The following MBD5 variants were observed in gnomAD, a reference collection of about 807,000 sequenced individuals.
MBD5 encodes methyl-CpG-binding domain protein 5.
A neutral mutation model predicts 117.3 loss-of-function variants in MBD5; 13 were observed. That is an observed-to-expected ratio of 0.11 (90% CI 0.07 to 0.18). The LOEUF is 0.18. Among genes scored for constraint, MBD5 ranks in the 10% least tolerant of loss-of-function variants. The probability of loss-of-function intolerance (pLI) is 1.00; values close to 1 mark genes in which losing one functional copy is unlikely to be tolerated. For synonymous variants in MBD5, 727 were observed against 766.4 expected (o/e 0.95, Z 0.85); for missense variants, 1,879 against 2,093.8 (o/e 0.90, Z 2.00).
chr2:148,426,762 C>A (rs1705804971), intron 4 of MBD5, among the ~76,000 whole-genome samples: 1 of 152,152 alleles, frequency 6.6e-6, no homozygotes, highest in African/African-American at 2.4e-5. Context: ...CTGTCTAAAA[C>A]ACCAAAAGCA....
intron 1 of MBD5, among the ~76,000 whole-genome samples, chr2:148,046,577 A>ACC (rs1185616495): frequency 6.6e-6 from 1 of 151,808 alleles, no homozygotes; most frequent in Non-Finnish European, 1.5e-5. Flanking sequence ...GTCCTCTTCC[A>ACC]CCCCTTCTTT....
At chr2:148,386,089 C>T (rs1334101054) in intron 4 of MBD5, among the ~76,000 whole-genome samples, 1 of 150,840 alleles carries the variant, frequency 6.6e-6, no homozygotes, top group Admixed American at 6.6e-5. Context: ...GTGCACATGT[C>T]CCCTAAAACT....
chr2:148,382,368 A>C (rs1045302345), intron 4 of MBD5, among the ~76,000 whole-genome samples: 5 of 152,244 alleles, frequency 3.3e-5, no homozygotes, highest in African/African-American at 1.2e-4. Context: ...AGACCATTAC[A>C]TAATGGTAAA....
chr2:148,204,730 T>G (rs1484468291), intron 2 of MBD5, among the ~76,000 whole-genome samples: 2 of 152,176 alleles, frequency 1.3e-5, no homozygotes, highest in African/African-American at 4.8e-5. Context: ...GTCTTCAAGT[T>G]TAAATACTAA....
intron 4 of MBD5, among the ~76,000 whole-genome samples, chr2:148,364,473 G>A (rs1183585598): frequency 1.3e-5 from 2 of 152,150 alleles, no homozygotes; most frequent in East Asian, 3.8e-4. Context: ...CATAATGACA[G>A]GATCAAATTC....
intron 4 of MBD5, among the ~76,000 whole-genome samples, chr2:148,444,804 C>G (rs1465782907): frequency 6.6e-6 from 1 of 150,926 alleles, no homozygotes; most frequent in East Asian, 1.9e-4. Context: ...TGCCCACCTC[C>G]CCACCCCTCT....
At chr2:148,344,188 C>A (rs960379871) in intron 4 of MBD5, among the ~76,000 whole-genome samples, 2 of 151,950 alleles carry the variant, frequency 1.3e-5, no homozygotes, top group African/African-American at 4.8e-5. Context: ...TGTTTTTATA[C>A]CAGTACCATG....
intron 4 of MBD5, among the ~76,000 whole-genome samples, chr2:148,402,843 A>G (rs973223798): frequency 6.6e-6 from 1 of 151,840 alleles, no homozygotes; most frequent in Non-Finnish European, 1.5e-5. Flanking sequence ...TAGTGTTAAC[A>G]GAAGTTATCA....
intron 4 of MBD5, among the ~76,000 whole-genome samples, chr2:148,367,871 C>T (rs12691789): frequency 0.52 from 78,272 of 151,918 alleles, 20,388 homozygotes; most frequent in East Asian, 0.75. Context: ...ACTTTTACAC[C>T]ATTGGTGGGA....
intron 3 of MBD5, among the ~76,000 whole-genome samples, chr2:148,263,274 G>A (rs1435990414): frequency 6.6e-6 from 1 of 152,168 alleles, no homozygotes; most frequent in Non-Finnish European, 1.5e-5. Context: ...GGATTGCTAA[G>A]CATGTTTAAA....
At chr2:148,079,947 G>T (rs1047090299) in intron 1 of MBD5, among the ~76,000 whole-genome samples, 2 of 151,888 alleles carry the variant, frequency 1.3e-5, no homozygotes, top group Admixed American at 6.6e-5. Context: ...AGAACCTCAA[G>T]GCTAGTTAAT....
At chr2:148,325,627 G>A (rs1702425667) in intron 3 of MBD5, among the ~76,000 whole-genome samples, 1 of 152,110 alleles carries the variant, frequency 6.6e-6, no homozygotes, top group Non-Finnish European at 1.5e-5. Flanking sequence ...TTGCGTAGAG[G>A]TGTTTGTAGT....
chr2:148,293,705 G>A (rs1189948962), intron 3 of MBD5, among the ~76,000 whole-genome samples: 2 of 150,908 alleles, frequency 1.3e-5, no homozygotes, highest in Non-Finnish European at 2.9e-5. Context: ...TTCCTGATCT[G>A]GGGGGAAAAC....
chr2:148,211,129 G>C (rs968876), intron 2 of MBD5, among the ~76,000 whole-genome samples: 94,213 of 152,008 alleles, frequency 0.62, 31,125 homozygotes, highest in East Asian at 0.8. Flanking sequence ...AGTCTAGGAC[G>C]CAAATGAATT....
chr2:148,222,256 C>G (rs1020226471), intron 2 of MBD5, among the ~76,000 whole-genome samples: 1 of 151,804 alleles, frequency 6.6e-6, no homozygotes, highest in Non-Finnish European at 1.5e-5. Context: ...TTCTGTGGTT[C>G]CATATAAATT....
intron 4 of MBD5, among the ~76,000 whole-genome samples, chr2:148,384,246 A>G (rs1278813625): frequency 6.6e-6 from 1 of 152,192 alleles, no homozygotes; most frequent in Non-Finnish European, 1.5e-5. Context: ...TTAAGCTGAT[A>G]AGCAAATTCA....
At chr2:148,096,914 G>A (rs1270466504) in intron 1 of MBD5, among the ~76,000 whole-genome samples, 1 of 151,914 alleles carries the variant, frequency 6.6e-6, no homozygotes, top group Non-Finnish European at 1.5e-5. Context: ...GGAAACCAGG[G>A]TAAAAAAGAA....
intron 12 of MBD5, among the ~76,000 whole-genome samples, chr2:148,504,547 AG>A (rs1403456365): frequency 6.6e-6 from 1 of 152,250 alleles, no homozygotes; most frequent in Non-Finnish European, 1.5e-5. Context: ...AATCTGTGCC[AG>A]GAACAGTGCT....
intron 1 of MBD5, among the ~76,000 whole-genome samples, chr2:148,144,062 AAC>A (rs1697383807): frequency 6.6e-6 from 1 of 151,884 alleles, no homozygotes; most frequent in South Asian, 2.1e-4. Context: ...AGTTTACACC[AAC>A]AGTGTAAAAG....
Sources: gnomAD v4.1 joint callset for allele counts (sites outside exome capture counted in the v4.1 genomes callset) on GRCh38, gnomAD v4.1.1 for gene constraint, MANE v1.5 for transcripts, NCBI Gene and HGNC (gene_info 2026-07-23, HGNC 2026-07-21) for gene names.